GRIK1: variants seen among roughly 807,000 people sequenced by gnomAD.
GRIK1 encodes the protein glutamate ionotropic receptor kainate type subunit 1.
A neutral mutation model predicts 105.7 loss-of-function variants in GRIK1; 69 were observed. The observed-to-expected ratio is 0.65, with a 90% CI of 0.54 to 0.80. The LOEUF is 0.80. Among genes scored for constraint, GRIK1 ranks in the 30% least tolerant of loss-of-function variants. The pLI is 0.00. For synonymous variants in GRIK1, 438 were observed against 431.3 expected (o/e 1.02, Z -0.19); for missense variants, 1,109 against 1,167.3 (o/e 0.95, Z 0.73).
rs530586745 is a variant in GRIK1 at position 29,867,611 on chromosome 21, A to G, written c.118+71772T>C. ...GGAGTTCAAGACCAGCCTAACCAAC[A>G]TGGAGAAACCCCATCTCTACTAAAA... On this transcript the variant is annotated intron_variant, in intron 1 of 17. Coordinates refer to ENST00000327783, the MANE Select transcript of GRIK1 (RefSeq NM_001330994.2). Among the ~76,000 whole-genome samples the G allele has an allele frequency of 1.3e-4, 20 of 152,142 alleles. No homozygotes were observed. The East Asian group carries it at 3.9e-3, about 30-fold the overall frequency.
rs1291762985 is a variant in GRIK1 at position 29,782,046 on chromosome 21, G to C, written c.119-87983C>G. Reference sequence around the variant, plus strand: ...TCATTCCTTAGTGATGGGCATTTGGGTACTGCCAACTCACTGTCCCGTATA... The same window carrying C: ...TCATTCCTTAGTGATGGGCATTTGGCTACTGCCAACTCACTGTCCCGTATA... On this transcript the variant is annotated intron_variant, in intron 1 of 17. Coordinates refer to ENST00000327783, the MANE Select transcript of GRIK1 (RefSeq NM_001330994.2). Among the ~76,000 whole-genome samples the C allele has an allele frequency of 4.0e-5, 6 of 150,600 alleles. No individual in the cohort carries two copies. The East Asian group carries it at 1.2e-3, about 30-fold the overall frequency.
At chr21:29,760,900 A>G (rs1419741773) in intron 1 of GRIK1, among the ~76,000 whole-genome samples, 6 of 152,226 alleles carry the variant, frequency 3.9e-5, no homozygotes, top group Non-Finnish European at 2.9e-5. Flanking sequence ...AGTAATTCAG[A>G]TGGAAAAGAC....
chr21:29,601,364 T>C (rs769122770), intron 7 of GRIK1: 14 of 353,464 alleles, frequency 4.0e-5, no homozygotes, highest in Non-Finnish European at 7.9e-5. Flanking sequence ...GATGGTAGAA[T>C]GTGGGACTTC....
chr21:29,637,083 T>C (rs532084922), intron 7 of GRIK1, among the ~76,000 whole-genome samples: 1 of 152,190 alleles, frequency 6.6e-6, no homozygotes, highest in Admixed American at 6.5e-5. Flanking sequence ...CAGGGTGTCT[T>C]TAAGGCCACT....
chr21:29,744,965 C>T (rs951987541), intron 1 of GRIK1, among the ~76,000 whole-genome samples: 2 of 152,100 alleles, frequency 1.3e-5, no homozygotes, highest in Non-Finnish European at 2.9e-5. Context: ...CCAATGATCC[C>T]CACCTTCTGG....
At chr21:29,706,008 G>A (rs2063900462) in intron 1 of GRIK1, among the ~76,000 whole-genome samples, 3 of 151,778 alleles carry the variant, frequency 2.0e-5, no homozygotes, top group Admixed American at 6.6e-5. Flanking sequence ...TGAGTAGCTG[G>A]TACTACAGGC....
At chr21:29,732,786 G>A (rs182698750) in intron 1 of GRIK1, among the ~76,000 whole-genome samples, 1 of 152,124 alleles carries the variant, frequency 6.6e-6, no homozygotes, top group East Asian at 1.9e-4. Context: ...AAACAAATGG[G>A]ATCTGAATTT....
At chr21:29,604,894 T>C (rs1463329231) in intron 7 of GRIK1, among the ~76,000 whole-genome samples, 1 of 152,220 alleles carries the variant, frequency 6.6e-6, no homozygotes, top group Admixed American at 6.5e-5. Context: ...ATTTGTATAT[T>C]CTTTCTCAAG....
intron 7 of GRIK1, among the ~76,000 whole-genome samples, chr21:29,625,190 A>G (rs1036070328): frequency 2.0e-5 from 3 of 152,198 alleles, no homozygotes; most frequent in African/African-American, 7.2e-5. Flanking sequence ...GTTATATTGA[A>G]TTATACAGGG....
chr21:29,541,618 G>A (rs1001967237), intron 16 of GRIK1, among the ~76,000 whole-genome samples: 4 of 118,144 alleles, frequency 3.4e-5, no homozygotes, highest in Non-Finnish European at 4.9e-5. Context: ...ACAATGAAAA[G>A]GTTGATGGTT....
At chr21:29,685,460 T>A (rs998359840) in intron 3 of GRIK1, among the ~76,000 whole-genome samples, 17 of 152,268 alleles carry the variant, frequency 1.1e-4, no homozygotes, top group South Asian at 2.1e-4. Flanking sequence ...TGTTTTTTTT[T>A]AATGTTTTGC....
At chr21:29,595,237 C>T (rs1244769139) in intron 9 of GRIK1, among the ~76,000 whole-genome samples, 1 of 151,990 alleles carries the variant, frequency 6.6e-6, no homozygotes, top group Non-Finnish European at 1.5e-5. Context: ...AGGACATCCC[C>T]CCTCCCCTTT....
At chr21:29,582,418 A>G in intron 12 of GRIK1, 1 of 412,258 alleles carries the variant, frequency 2.4e-6, no homozygotes, top group South Asian at 1.8e-5. Context: ...ATGGGCAGTA[A>G]ACGTTTCTGG....
intron 4 of GRIK1, among the ~76,000 whole-genome samples, chr21:29,669,620 A>G (rs1244302278): frequency 6.6e-6 from 1 of 152,142 alleles, no homozygotes; most frequent in Non-Finnish European, 1.5e-5. Context: ...ATGACCTTAT[A>G]TGGGTCACTT....
At chr21:29,746,558 TC>T (rs1427946965) in intron 1 of GRIK1, among the ~76,000 whole-genome samples, 1 of 152,114 alleles carries the variant, frequency 6.6e-6, no homozygotes, top group African/African-American at 2.4e-5. Flanking sequence ...TTGATATCAT[TC>T]CGGCTAATTC....
chr21:29,735,507 A>G (rs1010519688), intron 1 of GRIK1, among the ~76,000 whole-genome samples: 1 of 152,162 alleles, frequency 6.6e-6, no homozygotes, highest in Non-Finnish European at 1.5e-5. Flanking sequence ...GTTTGGAACA[A>G]CTTATATATG....
chr21:29,575,563 G>T lies in GRIK1; in HGVS notation c.2130+1401C>A, dbSNP rs531318238. On this transcript the variant is annotated intron_variant, in intron 14 of 17. Coordinates refer to ENST00000327783, the MANE Select transcript of GRIK1 (RefSeq NM_001330994.2). ...AAAAAAATACCCCTGGCTGAGCGTA[G>T]TGGCTCACGCTTGCAATTCCAGGAC... Among the ~76,000 whole-genome samples, 7 of 152,312 alleles carry T rather than the reference G, an allele frequency of 4.6e-5. No individual in the cohort carries two copies. In the East Asian group the frequency reaches 1.3e-3, roughly 29 times the overall value.
At chr21:29,588,771 C>T (rs1288568554) in intron 11 of GRIK1, 68 bp downstream of exon 11, 2 of 870,360 alleles carry the variant, frequency 2.3e-6, no homozygotes, top group Non-Finnish European at 3.7e-6. Flanking sequence ...TTTCTTCTGA[C>T]ATCATTTTTT....
At position 29,890,445 on chromosome 21, in the gene GRIK1, C is replaced by A. The variant is rs138890522; in HGVS notation, c.118+48938G>T. ...TTCTGCCTAAAGCTCATTGTGCAGT[C>A]TCTTCATCAATACTCAAGGAATCAA... is the stretch of plus-strand genomic sequence containing the variant. On this transcript the variant is annotated intron_variant, in intron 1 of 17. Coordinates refer to ENST00000327783, the MANE Select transcript of GRIK1 (RefSeq NM_001330994.2). Among the ~76,000 whole-genome samples, 313 of 152,202 alleles carry A rather than the reference C, an allele frequency of 2.1e-3. 1 individual carries two copies. Among genetic ancestry groups the A allele is most frequent in the Non-Finnish European group, 3.4e-3 (231 of 67,964 alleles).
Sources: allele counts gnomAD v4.1 joint callset (sites outside exome capture counted in the v4.1 genomes callset), GRCh38; gene constraint gnomAD v4.1.1; transcripts MANE v1.5; gene names NCBI Gene and HGNC (gene_info 2026-07-23, HGNC 2026-07-21).